PPP3CC: variants seen among roughly 807,000 people sequenced by gnomAD.
PPP3CC encodes the protein serine/threonine-protein phosphatase 2B catalytic subunit gamma isoform.
In PPP3CC, 35 loss-of-function variants were observed where a neutral mutation model predicts 60.3. The observed-to-expected ratio is 0.58, with a 90% CI of 0.44 to 0.77. The LOEUF (loss-of-function observed/expected upper bound fraction) is 0.77. PPP3CC is among the 30% of genes least tolerant of loss of function. PPP3CC has a pLI of 0.00. For synonymous variants in PPP3CC, 206 were observed against 224.3 expected (o/e 0.92, Z 0.73); for missense variants, 570 against 628.9 (o/e 0.91, Z 1.00).
chr8:22,475,104 T>C lies in PPP3CC; in HGVS notation c.200T>C (p.Ile67Thr). 1 of 1,613,588 alleles carries C rather than the reference T, an allele frequency of 6.2e-7. No homozygotes were observed. Among genetic ancestry groups the C allele is most frequent in the Non-Finnish European group, 8.5e-7 (1 of 1,179,684 alleles). ...ALKIINDGAA[I>T]LRQEKTMIEV... Reference sequence around the variant, plus strand: ...AAGATAATCAATGATGGGGCTGCCATCCTGAGGCAAGAGAAGACTATGATA... The same window carrying C: ...AAGATAATCAATGATGGGGCTGCCACCCTGAGGCAAGAGAAGACTATGATA... Residue 67 changes from isoleucine to threonine, a missense_variant, in exon 2 of 14, where the codon ATC becomes ACC. Physicochemically the swap from Ile to Thr is moderately conservative, Grantham distance 89. Coordinates refer to ENST00000240139, the MANE Select transcript of PPP3CC (RefSeq NM_005605.5).
intron 10 of PPP3CC, among the ~76,000 whole-genome samples, chr8:22,530,091 T>C (rs982759760): frequency 6.6e-5 from 10 of 152,204 alleles, no homozygotes; most frequent in Non-Finnish European, 1.2e-4. Context: ...TACACTCTCA[T>C]GCTTCAGGTT....
chr8:22,527,354 TC>T, intron 8 of PPP3CC, 37 bp from the exon 9 acceptor site: 1 of 1,608,244 alleles, frequency 6.2e-7, no homozygotes, highest in South Asian at 1.1e-5. Flanking sequence ...CATGCCATGT[TC>T]CTCTGTGCCA....
chr8:22,516,435 C>G (rs1310303324), intron 6 of PPP3CC, among the ~76,000 whole-genome samples: 1 of 152,136 alleles, frequency 6.6e-6, no homozygotes, highest in Non-Finnish European at 1.5e-5. Context: ...GGCCTTTGAT[C>G]CAGAAATTCT....
intron 1 of PPP3CC, among the ~76,000 whole-genome samples, chr8:22,455,278 A>G (rs1837163290): frequency 6.6e-6 from 1 of 152,164 alleles, no homozygotes; most frequent in African/African-American, 2.4e-5. Context: ...ATAGCCTCTC[A>G]AAAATGTCAC....
At chr8:22,530,555 G>A (rs1234689829) in intron 10 of PPP3CC, among the ~76,000 whole-genome samples, 8 of 151,144 alleles carry the variant, frequency 5.3e-5, no homozygotes, top group Admixed American at 3.3e-4. Context: ...AGAATGGGCC[G>A]GGCATAGTGG....
chr8:22,511,211 T>C lies in PPP3CC; in HGVS notation c.610T>C (p.Ser204Pro), dbSNP rs1462576003. ...VHGGMSPEIT[S>P]LDDIRKLDRF... The stretch of plus-strand genomic sequence containing the variant: ...TGGAGGAATGTCACCTGAAATTACT[T>C]CTTTAGATGACATTAGGAAAGTAAG... The change falls in exon 5 of 14, where the codon TCT becomes CCT. Residue 204 changes from serine to proline, a missense_variant. Physicochemically the swap from Ser to Pro is moderately conservative, Grantham distance 74. Coordinates refer to ENST00000240139, the MANE Select transcript of PPP3CC (RefSeq NM_005605.5). 1 of 1,612,990 alleles carries C rather than the reference T, an allele frequency of 6.2e-7. No homozygotes were observed. The highest frequency in any genetic ancestry group is 8.5e-7 in the Non-Finnish European group (1 of 1,179,134).
chr8:22,506,298 A>G (rs1270396142), intron 4 of PPP3CC, among the ~76,000 whole-genome samples: 4 of 152,090 alleles, frequency 2.6e-5, no homozygotes, highest in African/African-American at 4.8e-5. Flanking sequence ...CATGAAGGCC[A>G]GAGTGATCTT....
Position 22,441,123 on chromosome 8 carries a change from C to T in PPP3CC, c.-287C>T, listed in dbSNP as rs945897444. The T allele has an allele frequency of 6.5e-6, 2 of 308,218 alleles. No individual in the cohort carries two copies. The highest frequency in any genetic ancestry group is 2.2e-5 in the African/African-American group (1 of 46,148). 19.1% of individuals were successfully genotyped at this position (308,218 alleles called of 1,614,324 possible). A position where few individuals can be genotyped will look rare whatever the true frequency, so the allele number is the denominator to read the frequency against. On this transcript the variant is annotated 5_prime_UTR_variant, in exon 1 of 14. Transcript: ENST00000240139. ...CGCGAGCAGCCGCGGCCGTCCCGGT[C>T]GCCACCCTTAGCAGCGGTCGCGGTC...
chr8:22,522,568 G>A lies in PPP3CC; in HGVS notation c.848G>A (p.Gly283Glu). ...IIRAHEAQDA[G>E]YRMYRKSQAT... is the part of the protein sequence containing the mutation. Reference sequence around the variant, plus strand: ...AGAGCCCATGAAGCCCAAGATGCTGGGTAAGTTACATTAAAATTGTACCAA... The same window carrying A: ...AGAGCCCATGAAGCCCAAGATGCTGAGTAAGTTACATTAAAATTGTACCAA... Residue 283 changes from glycine (G) to glutamate (E), a missense_variant and splice_region_variant, in exon 7 of 14, where the codon GGG (glycine) becomes GAG (glutamate). Transcript: ENST00000240139. 2 of 1,608,948 alleles carry A rather than the reference G, an allele frequency of 1.2e-6. No homozygotes were observed. The highest frequency in any genetic ancestry group is 2.2e-5 in the South Asian group (2 of 90,188).
chr8:22,475,148 A>G lies in PPP3CC; in HGVS notation c.244A>G (p.Thr82Ala). The G allele has an allele frequency of 6.2e-7, 1 of 1,609,834 alleles. No homozygotes were observed. Among genetic ancestry groups the G allele is most frequent in the Non-Finnish European group, 8.5e-7 (1 of 1,177,084 alleles). ...KTMIEVDAPI[T>A]VCGDIHGQFF... ...TATGATAGAAGTAGATGCTCCAATC[A>G]CAGGTATAAAAAGTCTTTGCATGAT... Residue 82 changes from threonine (T) to alanine (A), a missense_variant, in exon 2 of 14, where the codon ACA becomes GCA. Transcript: ENST00000240139.
chr8:22,444,988 A>G (rs1422873978), intron 1 of PPP3CC, among the ~76,000 whole-genome samples: 1 of 152,240 alleles, frequency 6.6e-6, no homozygotes, highest in Non-Finnish European at 1.5e-5. Flanking sequence ...AGTAGGAATT[A>G]CATGACAAAT....
At chr8:22,494,248 G>A (rs952996005) in intron 3 of PPP3CC, among the ~76,000 whole-genome samples, 2 of 152,168 alleles carry the variant, frequency 1.3e-5, no homozygotes, top group African/African-American at 4.8e-5. Flanking sequence ...CAGAATCATG[G>A]CAGGAGACAA....
chr8:22,477,473 CAA>C (rs755678527), intron 3 of PPP3CC, among the ~76,000 whole-genome samples: 1 of 136,288 alleles, frequency 7.3e-6, no homozygotes, highest in African/African-American at 2.7e-5. Flanking sequence ...GACTCTGTCT[CAA>C]AAAAAAAAAA....
intron 1 of PPP3CC, among the ~76,000 whole-genome samples, chr8:22,443,579 A>G (rs1438390405): frequency 6.6e-6 from 1 of 152,076 alleles, no homozygotes; most frequent in East Asian, 1.9e-4. Flanking sequence ...TTATTATTAA[A>G]TAAACACTGT....
chr8:22,521,982 A>T (rs1839417976), intron 6 of PPP3CC, among the ~76,000 whole-genome samples: 1 of 151,094 alleles, frequency 6.6e-6, no homozygotes, highest in Non-Finnish European at 1.5e-5. Flanking sequence ...AAACAAACCT[A>T]TATATATACA....
intron 1 of PPP3CC, among the ~76,000 whole-genome samples, chr8:22,441,841 T>C (rs1380462169): frequency 6.6e-6 from 1 of 151,894 alleles, no homozygotes. Context: ...ATTAGATCTT[T>C]CTTGACGTCC....
At chr8:22,462,563 T>C (rs1586797348) in intron 1 of PPP3CC, among the ~76,000 whole-genome samples, 1 of 151,920 alleles carries the variant, frequency 6.6e-6, no homozygotes, top group African/African-American at 2.4e-5. Context: ...TTTGTTCTTT[T>C]TTTTCTTTTT....
intron 1 of PPP3CC, among the ~76,000 whole-genome samples, chr8:22,446,033 T>A (rs1439550410): frequency 6.6e-6 from 1 of 152,236 alleles, no homozygotes; most frequent in Non-Finnish European, 1.5e-5. Flanking sequence ...GTCTGACATT[T>A]GATAATTAAG....
chr8:22,499,469 A>T (rs557638547), intron 4 of PPP3CC, among the ~76,000 whole-genome samples: 1 of 151,964 alleles, frequency 6.6e-6, no homozygotes, highest in Non-Finnish European at 1.5e-5. Flanking sequence ...AAAAAAAAAG[A>T]AAGTCAAAAC....
Sources: gnomAD v4.1 joint callset for allele counts (sites outside exome capture counted in the v4.1 genomes callset) on GRCh38, gnomAD v4.1.1 for gene constraint, MANE v1.5 for transcripts, NCBI Gene and HGNC (gene_info 2026-07-23, HGNC 2026-07-21) for gene names.